The following PPFIBP1 variants were observed in gnomAD, a reference collection of about 807,000 sequenced individuals.
The protein encoded by PPFIBP1 is PPFIB scaffold protein 1, also known as liprin-beta-1.
PPFIBP1 carries 112 observed loss-of-function variants against 137.8 expected under a neutral mutation model. The ratio of observed to expected loss-of-function variants is 0.81; its 90% CI spans 0.70 to 0.95. PPFIBP1 has a LOEUF of 0.95. Ranked by LOEUF, PPFIBP1 falls within the 40% of genes least tolerant of loss-of-function variation. The pLI, the probability that PPFIBP1 is intolerant of heterozygous loss-of-function variation, is 0.00. For synonymous variants in PPFIBP1, 378 were observed against 417.3 expected (o/e 0.91, Z 1.15); for missense variants, 1,083 against 1,196.6 (o/e 0.91, Z 1.40).
Position 27,689,009 on chromosome 12 carries a change from A to G in PPFIBP1, c.2497-6A>G. The G allele has an allele frequency of 6.3e-7, 1 of 1,588,806 alleles. No homozygotes were observed. The highest frequency in any genetic ancestry group is 8.5e-7 in the Non-Finnish European group (1 of 1,171,680). On this transcript the variant is annotated splice_polypyrimidine_tract_variant and splice_region_variant and intron_variant, in intron 26 of 29. Coordinates refer to ENST00000228425, the MANE Select transcript of PPFIBP1 (RefSeq NM_003622.4). The stretch of plus-strand genomic sequence containing the variant: ...TTGACAAGCTTTTTTTTTTTTCTTT[A>G]AACAGGTTCTAGAGCCTCGTTTTAA...
chr12:27,583,169 C>G (rs2051316338), intron 2 of PPFIBP1, among the ~76,000 whole-genome samples: 1 of 152,188 alleles, frequency 6.6e-6, no homozygotes, highest in African/African-American at 2.4e-5. Context: ...TTGCTTTGGC[C>G]TCTCAACTTG....
At position 27,633,409 on chromosome 12, in the gene PPFIBP1, G is replaced by C. The variant is rs749714316; in HGVS notation, c.13G>C (p.Ala5Pro). MMSD[A>P]SDMLAAALEQ... Reference sequence around the variant, plus strand: ...GACAAATAATAAAATGATGAGTGATGCAAGTGACATGTTGGCTGCAGCGTT... The same window carrying C: ...GACAAATAATAAAATGATGAGTGATCCAAGTGACATGTTGGCTGCAGCGTT... The change falls in exon 3 of 30, where the codon GCA becomes CCA. Residue 5 changes from alanine to proline, a missense_variant. Ala to Pro is a conservative substitution (Grantham distance 27). Transcript: ENST00000228425. 1 of 1,613,592 alleles carries C rather than the reference G, an allele frequency of 6.2e-7. No individual in the cohort carries two copies. Among genetic ancestry groups the C allele is most frequent in the Admixed American group, 1.7e-5 (1 of 60,008 alleles).
intron 13 of PPFIBP1, among the ~76,000 whole-genome samples, chr12:27,669,034 T>TCAATTCATC (rs2060026229): frequency 6.6e-6 from 1 of 152,222 alleles, no homozygotes; most frequent in Non-Finnish European, 1.5e-5. Flanking sequence ...AGTTTCATTG[T>TCAATTCATC]TTAAACAATC....
intron 2 of PPFIBP1, among the ~76,000 whole-genome samples, chr12:27,629,718 C>G (rs2057127774): frequency 6.6e-6 from 1 of 152,084 alleles, no homozygotes; most frequent in Admixed American, 6.6e-5. Context: ...TTTTATTTAG[C>G]CTTTTCATTT....
At chr12:27,603,706 G>C (rs567079892) in intron 2 of PPFIBP1, among the ~76,000 whole-genome samples, 8 of 152,200 alleles carry the variant, frequency 5.3e-5, no homozygotes, top group Non-Finnish European at 1.2e-4. Context: ...AATTGCATGA[G>C]AGCCACACTG....
At chr12:27,676,728 G>A in intron 18 of PPFIBP1, 129 bp downstream of exon 18, 1 of 1,017,006 alleles carries the variant, frequency 9.8e-7, no homozygotes. Flanking sequence ...AATGACTTAG[G>A]GGAATTTAGC....
intron 2 of PPFIBP1, among the ~76,000 whole-genome samples, chr12:27,594,430 G>C (rs1282951861): frequency 6.6e-6 from 1 of 152,006 alleles, no homozygotes. Context: ...CACCCACCTT[G>C]GCCTCCCAAA....
chr12:27,689,786 A>G (rs954414711), intron 27 of PPFIBP1, among the ~76,000 whole-genome samples: 10 of 152,076 alleles, frequency 6.6e-5, no homozygotes, highest in African/African-American at 2.4e-4. Context: ...TTCCACCTAA[A>G]GGCTGCATTG....
chr12:27,531,600 G>T (rs746595870), intron 1 of PPFIBP1, among the ~76,000 whole-genome samples: 5 of 152,086 alleles, frequency 3.3e-5, no homozygotes, highest in Non-Finnish European at 7.4e-5. Context: ...ACCACGTCCG[G>T]CCAGAAATTA....
intron 1 of PPFIBP1, among the ~76,000 whole-genome samples, chr12:27,565,388 G>A (rs767855687): frequency 2.0e-5 from 3 of 152,192 alleles, no homozygotes; most frequent in Admixed American, 6.5e-5. Context: ...ACCTGTTGAA[G>A]TCACATTTTT....
intron 24 of PPFIBP1, 146 bp downstream of exon 24, chr12:27,682,849 T>C (rs892771598): frequency 3.5e-5 from 47 of 1,360,408 alleles, no homozygotes; most frequent in Non-Finnish European, 4.6e-5. Flanking sequence ...GGCAGGCATA[T>C]TTCCCATGAG....
In PPFIBP1 at chr12:27,691,867, G is replaced by T. The variant is rs930908224; in HGVS notation, c.2804G>T (p.Gly935Val). 2.0e-5 allele frequency: 32 copies of T among 1,614,044 alleles called. No individual in the cohort carries two copies. The highest frequency in any genetic ancestry group is 2.7e-5 in the Non-Finnish European group (32 of 1,179,974). Residue 935 changes from glycine to valine, a missense_variant, in exon 28 of 30, where the codon GGA (glycine) becomes GTA (valine). Coordinates refer to ENST00000228425, the MANE Select transcript of PPFIBP1 (RefSeq NM_003622.4). ...GCATCAGGAAGTGCATCTAAGAAAG[G>T]ATTTAAACCTGGTTTGGATATGCGC... ...GQASGSASKK[G>V]FKPGLDMRLY...
chr12:27,616,015 G>A (rs890957229), intron 2 of PPFIBP1, among the ~76,000 whole-genome samples: 8 of 152,216 alleles, frequency 5.3e-5, no homozygotes, highest in Admixed American at 2.0e-4. Context: ...GGGAATAATA[G>A]TATGTTTGTT....
intron 11 of PPFIBP1, among the ~76,000 whole-genome samples, chr12:27,661,759 C>T (rs574197970): frequency 7.9e-5 from 12 of 152,296 alleles, no homozygotes; most frequent in African/African-American, 2.6e-4. Context: ...TTTCTCCCAT[C>T]GTAAGTTTCT....
chr12:27,527,790 T>A (rs1394166260), intron 1 of PPFIBP1, among the ~76,000 whole-genome samples: 1 of 152,084 alleles, frequency 6.6e-6, no homozygotes, highest in East Asian at 1.9e-4. Flanking sequence ...AAAATCACAG[T>A]TGAGCAGCCA....
chr12:27,660,414 C>T (rs910526998), intron 10 of PPFIBP1, among the ~76,000 whole-genome samples: 3 of 152,322 alleles, frequency 2.0e-5, no homozygotes, highest in African/African-American at 4.8e-5. Context: ...AGCATGACTA[C>T]TCATGTAAAT....
intron 7 of PPFIBP1, among the ~76,000 whole-genome samples, chr12:27,653,313 C>T (rs1175296026): frequency 3.3e-5 from 5 of 152,110 alleles, no homozygotes; most frequent in Admixed American, 3.3e-4. Context: ...TGGCCGGGCA[C>T]AGTGGCTCAC....
At chr12:27,644,460 G>A (rs759373938) in intron 4 of PPFIBP1, among the ~76,000 whole-genome samples, 40 of 151,904 alleles carry the variant, frequency 2.6e-4, no homozygotes, top group Non-Finnish European at 5.4e-4. Flanking sequence ...ATTGTTACTT[G>A]TATGGGATTT....
In PPFIBP1 at chr12:27,690,268, A is replaced by G. The variant is rs76313761; in HGVS notation, c.2685+1065A>G. 5.3e-3 allele frequency among the ~76,000 whole-genome samples: 801 copies of G among 152,122 alleles called. 1 individual carries two copies. The highest frequency in any genetic ancestry group is 0.01 in the Middle Eastern group (3 of 294). ...TACACGGGTACTGCTGGACTTGAGT[A>G]TGTACGGATTTTGGTATACATGGGG... On this transcript the variant is annotated intron_variant, in intron 27 of 29. Transcript: ENST00000228425.
Sources: gnomAD v4.1 joint callset for allele counts (sites outside exome capture counted in the v4.1 genomes callset) on GRCh38, gnomAD v4.1.1 for gene constraint, MANE v1.5 for transcripts, NCBI Gene and HGNC (gene_info 2026-07-23, HGNC 2026-07-21) for gene names.